GNAL: variants seen among roughly 807,000 people sequenced by gnomAD.
The protein encoded by GNAL is guanine nucleotide-binding protein G(olf) subunit alpha.
Under a neutral mutation model 55.1 loss-of-function variants are expected in GNAL, and 18 were observed. That is an observed-to-expected ratio of 0.33 (90% CI 0.23 to 0.48). The LOEUF is 0.48. GNAL is among the 20% of genes least tolerant of loss of function. The pLI is 0.99. For missense variants in GNAL, 412 were observed against 614.1 expected (o/e 0.67, Z 3.48); for synonymous variants, 253 against 237.0 (o/e 1.07, Z -0.62).
intron 1 of GNAL, among the ~76,000 whole-genome samples, chr18:11,709,430 C>G (rs572832524): frequency 1.3e-5 from 2 of 150,640 alleles, no homozygotes; most frequent in Non-Finnish European, 1.5e-5. Context: ...ATAAATCTTC[C>G]AATTTGTGAA....
Position 11,752,923 on chromosome 18 carries a change from C to T in GNAL, c.447C>T (p.Pro149=), listed in dbSNP as rs374877331. 71 of 1,585,622 alleles carry T rather than the reference C, an allele frequency of 4.5e-5. No homozygotes were observed. The highest frequency in any genetic ancestry group is 1.7e-4 in the Middle Eastern group (1 of 6,020). ...MRILHVNGFN[P]EEKKQKILDI... ...TCCTGCACGTCAATGGGTTTAATCC[C>T]GAGTAAGAATGTTCAGTTTGCTTCC... The change falls in exon 2 of 12, where the codon CCC becomes CCT. Residue 149 remains proline (P), a splice_region_variant and synonymous_variant. Transcript: ENST00000334049. The surrounding 1 kb of genome is among the most constrained non-coding windows in gnomAD (Gnocchi z 4.5).
At chr18:11,875,792 A>G (rs529796509) in intron 10 of GNAL, among the ~76,000 whole-genome samples, 79 of 152,226 alleles carry the variant, frequency 5.2e-4, no homozygotes, top group Non-Finnish European at 1.0e-3. Flanking sequence ...GCAAGAATGG[A>G]CTAACACAGC....
Position 11,864,923 on chromosome 18 carries a change from T to A in GNAL, c.851+317T>A, listed in dbSNP as rs536090236. On this transcript the variant is annotated intron_variant, in intron 7 of 11. Coordinates refer to ENST00000334049, the MANE Select transcript of GNAL (RefSeq NM_182978.4). ...CACAGTCACAGGTTGAGAACTGAAA[T>A]GAGCAGTTTATGTGTGTCTCCAGCC... Among the ~76,000 whole-genome samples, 6 of 152,282 alleles carry A rather than the reference T, an allele frequency of 3.9e-5. 1 individual carries two copies. The highest frequency in any genetic ancestry group is 3.9e-4 in the Admixed American group (6 of 15,288).
At chr18:11,701,966 T>A (rs2031583737) in intron 1 of GNAL, 1 of 152,200 alleles carries the variant, frequency 6.6e-6, no homozygotes, top group South Asian at 2.1e-4. Flanking sequence ...ATCCTTTTTT[T>A]ACCCAAGAAA....
chr18:11,822,004 A>C (rs537538205), intron 4 of GNAL, among the ~76,000 whole-genome samples: 1 of 152,372 alleles, frequency 6.6e-6, no homozygotes, highest in South Asian at 2.1e-4. Context: ...TAAGTCGAAA[A>C]GCAAGGGCAT....
intron 1 of GNAL, among the ~76,000 whole-genome samples, chr18:11,690,316 G>A (rs986734240): frequency 1.8e-4 from 28 of 152,226 alleles, no homozygotes; most frequent in African/African-American, 6.7e-4. Flanking sequence ...TGCTACACGA[G>A]GAGGCTGGCA....
At chr18:11,755,564 C>T (rs1384644957) in intron 4 of GNAL, among the ~76,000 whole-genome samples, 3 of 152,154 alleles carry the variant, frequency 2.0e-5, no homozygotes, top group Non-Finnish European at 4.4e-5. Flanking sequence ...CATGAGCCAC[C>T]GTGCCCAGCC....
chr18:11,875,558 A>T (rs2036511230), intron 10 of GNAL, among the ~76,000 whole-genome samples: 1 of 152,140 alleles, frequency 6.6e-6, no homozygotes, highest in Non-Finnish European at 1.5e-5. Context: ...CAGGTCATTT[A>T]ACAGGGTGTA....
chr18:11,704,660 C>A (rs901012595), intron 1 of GNAL, among the ~76,000 whole-genome samples: 35 of 152,160 alleles, frequency 2.3e-4, no homozygotes, highest in African/African-American at 8.2e-4. Context: ...TTTTTGTCTC[C>A]TTTCTTCCTT....
intron 4 of GNAL, among the ~76,000 whole-genome samples, chr18:11,784,757 GA>G (rs1336082543): frequency 2.6e-5 from 4 of 152,084 alleles, no homozygotes; most frequent in African/African-American, 9.7e-5. Flanking sequence ...CAGTGGAATT[GA>G]AAAAAACCAA....
intron 1 of GNAL, chr18:11,747,194 T>A: frequency 2.6e-6 from 1 of 388,372 alleles, no homozygotes; most frequent in Non-Finnish European, 5.0e-6. Flanking sequence ...GTTACATGTC[T>A]CTGCCACCAG....
chr18:11,725,377 A>C (rs542537781), intron 1 of GNAL, among the ~76,000 whole-genome samples: 1 of 152,336 alleles, frequency 6.6e-6, no homozygotes, highest in Admixed American at 6.5e-5. Context: ...AAGAGACCTC[A>C]GAAGAGACTA....
chr18:11,693,345 G>A (rs996879777), intron 1 of GNAL, among the ~76,000 whole-genome samples: 4 of 152,122 alleles, frequency 2.6e-5, no homozygotes, highest in African/African-American at 9.7e-5. Context: ...TTATATATCA[G>A]CATCATATCT....
chr18:11,819,351 A>G (rs2035036152), intron 4 of GNAL, among the ~76,000 whole-genome samples: 1 of 152,350 alleles, frequency 6.6e-6, no homozygotes, highest in Admixed American at 6.5e-5. Flanking sequence ...AATGTTGTCA[A>G]TATGAAATAG....
At position 11,872,272 on chromosome 18, in the gene GNAL, T is replaced by C. The variant is rs1567904078; in HGVS notation, c.1036T>C (p.Leu346=). 4 of 1,582,120 alleles carry C rather than the reference T, an allele frequency of 2.5e-6. No homozygotes were observed. The highest frequency in any genetic ancestry group is 3.4e-6 in the Non-Finnish European group (4 of 1,167,848). The change falls in exon 10 of 12, where the codon TTA becomes CTA. Residue 346 remains leucine, a synonymous_variant. Transcript: ENST00000334049. ...TGTTTATTTTTCCTTTTTTAGGTGG[T>C]TACGGACCATTTCTATCATCTTGTT... ...LFESIWNNRW[L]RTISIILFLN...
At chr18:11,703,239 G>C (rs561310423) in intron 1 of GNAL, among the ~76,000 whole-genome samples, 2 of 152,380 alleles carry the variant, frequency 1.3e-5, no homozygotes, top group East Asian at 3.9e-4. Flanking sequence ...ATGCCACGCA[G>C]AGCAAATGAA....
chr18:11,747,083 G>A, intron 1 of GNAL: 3 of 434,376 alleles, frequency 6.9e-6, no homozygotes, highest in South Asian at 3.6e-5. Flanking sequence ...GGCCTCTGAA[G>A]GAGCTCTATT....
chr18:11,857,721 C>T (rs2036041332), intron 5 of GNAL: 1 of 985,256 alleles, frequency 1.0e-6, no homozygotes, highest in Non-Finnish European at 1.2e-6. Context: ...CTGGGAACCC[C>T]TTTTAAGGAG....
chr18:11,871,333 C>T (rs540946180), intron 9 of GNAL, among the ~76,000 whole-genome samples: 1 of 151,976 alleles, frequency 6.6e-6, no homozygotes, highest in Non-Finnish European at 1.5e-5. Context: ...TCACCACAAC[C>T]TCCACCTCCC....
Sources: allele counts gnomAD v4.1 joint callset (sites outside exome capture counted in the v4.1 genomes callset), GRCh38; gene constraint gnomAD v4.1.1; non-coding constraint Gnocchi (gnomAD v3.1); transcripts MANE v1.5; gene names NCBI Gene and HGNC (gene_info 2026-07-23, HGNC 2026-07-21).